Variants in GARNL3 observed in about 807,000 individuals in gnomAD.
GARNL3 encodes the protein GTPase-activating Rap/Ran-GAP domain-like protein 3.
A neutral mutation model predicts 125.0 loss-of-function variants in GARNL3; 63 were observed. The ratio of observed to expected loss-of-function variants is 0.50; its 90% CI spans 0.41 to 0.62. The LOEUF (loss-of-function observed/expected upper bound fraction) is 0.62. Among genes scored for constraint, GARNL3 ranks in the 20% least tolerant of loss-of-function variants. The pLI is 0.00. For synonymous variants in GARNL3, 439 were observed against 457.5 expected (o/e 0.96, Z 0.52); for missense variants, 994 against 1,244.0 (o/e 0.80, Z 3.02).
At chr9:127,282,378 G>C (rs1300559216) in intron 1 of GARNL3, among the ~76,000 whole-genome samples, 1 of 152,028 alleles carries the variant, frequency 6.6e-6, no homozygotes, top group African/African-American at 2.4e-5. Context: ...CACTTATTAT[G>C]TCCAGGTACT....
chr9:127,355,806 T>C (rs910960023), intron 20 of GARNL3, among the ~76,000 whole-genome samples: 2 of 152,174 alleles, frequency 1.3e-5, no homozygotes, highest in Admixed American at 6.5e-5. Context: ...AAATTAAACA[T>C]AGAGGAGGGC....
chr9:127,261,798 G>A (rs1164849751), upstream of GARNL3, among the ~76,000 whole-genome samples: 4 of 152,186 alleles, frequency 2.6e-5, no homozygotes, highest in African/African-American at 4.8e-5. Flanking sequence ...GTTATTGTTC[G>A]GGATCCAGAA....
chr9:127,354,105 G>A (rs541493062), intron 18 of GARNL3, among the ~76,000 whole-genome samples, 161 bp downstream of exon 18: 3 of 152,240 alleles, frequency 2.0e-5, no homozygotes, highest in African/African-American at 7.2e-5. Flanking sequence ...TTTGTTCTCT[G>A]GGGAGGGAAG....
At chr9:127,351,916 A>G (rs7870528) in intron 17 of GARNL3, among the ~76,000 whole-genome samples, 1,819 of 152,334 alleles carry the variant, frequency 0.012, 47 homozygotes, top group African/African-American at 0.042. Context: ...TCACTCTGTC[A>G]GGTCCTTGCC....
chr9:127,232,878 A>G (rs944505250), intron 1 of GARNL3, among the ~76,000 whole-genome samples: 2 of 152,162 alleles, frequency 1.3e-5, no homozygotes, highest in African/African-American at 2.4e-5. Context: ...CTTAATTTCA[A>G]TGTAGGATCC....
At chr9:127,371,941 A>AT (rs554609892) in intron 22 of GARNL3, among the ~76,000 whole-genome samples, 1 of 152,118 alleles carries the variant, frequency 6.6e-6, no homozygotes, top group East Asian at 1.9e-4. Context: ...TGCAAAAAAA[A>AT]TTTTTTTTGA....
upstream of GARNL3, chr9:127,264,409 TG>T (rs2131262610): frequency 1.7e-6 from 1 of 578,838 alleles, no homozygotes; most frequent in East Asian, 1.3e-4. Context: ...TTTTTCATAT[TG>T]CCACATAAAA....
intron 1 of GARNL3, among the ~76,000 whole-genome samples, chr9:127,267,597 A>C (rs565141217): frequency 6.6e-6 from 1 of 152,322 alleles, no homozygotes; most frequent in East Asian, 1.9e-4. Flanking sequence ...GTGGTCAGGA[A>C]GGTTGGGAAA....
At chr9:127,261,758 A>G (rs1398073500), upstream of GARNL3, among the ~76,000 whole-genome samples, 1 of 151,956 alleles carries the variant, frequency 6.6e-6, no homozygotes, top group Admixed American at 6.6e-5. Flanking sequence ...GGTGCCCCTC[A>G]TTTCTACCCA....
chr9:127,306,774 C>T (rs1323017947), intron 2 of GARNL3, among the ~76,000 whole-genome samples: 1 of 151,376 alleles, frequency 6.6e-6, no homozygotes, highest in Non-Finnish European at 1.5e-5. Flanking sequence ...GTAATCCTAT[C>T]TACTCGGGAG....
At chr9:127,348,320 A>G (rs1210406580) in intron 16 of GARNL3, among the ~76,000 whole-genome samples, 3 of 152,232 alleles carry the variant, frequency 2.0e-5, no homozygotes, top group Non-Finnish European at 4.4e-5. Context: ...AAATGAACTA[A>G]GAAGAGTTTG....
chr9:127,278,052 AT>A (rs1420300983), intron 1 of GARNL3, among the ~76,000 whole-genome samples: 1 of 152,058 alleles, frequency 6.6e-6, no homozygotes, highest in Admixed American at 6.6e-5. Context: ...TTTTTCTTAA[AT>A]TTTTTATATT....
intron 15 of GARNL3, among the ~76,000 whole-genome samples, chr9:127,345,088 G>A (rs1830065586): frequency 6.6e-6 from 1 of 152,128 alleles, no homozygotes; most frequent in South Asian, 2.1e-4. Flanking sequence ...TATTCCCAGA[G>A]ATTCTGATTC....
chr9:127,266,101 TTCTG>T lies in GARNL3; in HGVS notation c.144+1087_144+1090del, dbSNP rs1397492119. ...CCTCAGTTGATTCAGTCAACACCTG[TTCTG>T]TCTGTCACTGGTGACACCACACCAC... On this transcript the variant is annotated intron_variant, in intron 1 of 27. Transcript: ENST00000373387. The surrounding 1 kb of genome is among the most constrained non-coding windows in gnomAD (Gnocchi z 4.0). Among the ~76,000 whole-genome samples the T allele has an allele frequency of 1.3e-5, 2 of 152,268 alleles. No homozygotes were observed. The highest frequency in any genetic ancestry group is 2.9e-5 in the Non-Finnish European group (2 of 68,044).
chr9:127,336,959 G>A (rs1458600748), intron 11 of GARNL3, among the ~76,000 whole-genome samples: 2 of 152,208 alleles, frequency 1.3e-5, no homozygotes, highest in Non-Finnish European at 2.9e-5. Flanking sequence ...AATTCTAGTC[G>A]AGTTACTCAT....
At chr9:127,256,875 T>C (rs1447691958) in intron 2 of GARNL3, among the ~76,000 whole-genome samples, 1 of 152,202 alleles carries the variant, frequency 6.6e-6, no homozygotes, top group Non-Finnish European at 1.5e-5. Flanking sequence ...GCAGTTTTAT[T>C]ACATGTGTAG....
intron 4 of GARNL3, among the ~76,000 whole-genome samples, chr9:127,314,729 G>A (rs1372420969): frequency 1.3e-5 from 2 of 152,182 alleles, no homozygotes; most frequent in Non-Finnish European, 2.9e-5. Context: ...AAATGCAGGG[G>A]GAACATTTGC....
chr9:127,373,952 G>T (rs1831743204), intron 22 of GARNL3, among the ~76,000 whole-genome samples: 1 of 152,144 alleles, frequency 6.6e-6, no homozygotes, highest in African/African-American at 2.4e-5. Flanking sequence ...ACTGCAGTGA[G>T]CCAAGATCAG....
chr9:127,270,826 T>C (rs765903212), intron 1 of GARNL3, among the ~76,000 whole-genome samples: 25 of 152,266 alleles, frequency 1.6e-4, no homozygotes, highest in Non-Finnish European at 2.6e-4. Context: ...TTTTTATTAC[T>C]GAATTGATTT....
Sources: allele counts gnomAD v4.1 joint callset (sites outside exome capture counted in the v4.1 genomes callset), GRCh38; gene constraint gnomAD v4.1.1; non-coding constraint Gnocchi (gnomAD v3.1); transcripts MANE v1.5; gene names NCBI Gene and HGNC (gene_info 2026-07-23, HGNC 2026-07-21).